KCNAB2: variants seen among roughly 807,000 people sequenced by gnomAD.
KCNAB2 encodes the protein voltage-gated potassium channel subunit beta-2.
In KCNAB2, 29 loss-of-function variants were observed where a neutral mutation model predicts 63.6. The ratio of observed to expected loss-of-function variants is 0.46; its 90% CI spans 0.34 to 0.62. KCNAB2 has a LOEUF of 0.62. Ranked by LOEUF, KCNAB2 falls within the 20% of genes least tolerant of loss-of-function variation. The pLI, the probability that KCNAB2 is intolerant of heterozygous loss-of-function variation, is 0.01. For missense variants in KCNAB2, 359 were observed against 563.9 expected, an observed-to-expected ratio of 0.64 and a Z score of 3.68; for synonymous variants, 222 against 224.2, an observed-to-expected ratio of 0.99 and a Z score of 0.09.
At position 6,073,588 on chromosome 1, in the gene KCNAB2, C is replaced by A; in HGVS notation, c.263-145C>A. 1 of 742,254 alleles carries A rather than the reference C, an allele frequency of 1.3e-6. No homozygotes were observed. The highest frequency in any genetic ancestry group is 2.4e-6 in the Non-Finnish European group (1 of 414,490). The allele number at this position is 742,254 out of a possible 1,614,324, so 46.0% of individuals were successfully genotyped here. A position where few individuals can be genotyped will look rare whatever the true frequency, so the allele number is the denominator to read the frequency against. Reference sequence around the variant, plus strand: ...TTTCTCTGAAGGCCAGCTGTCCACACACACTAAGGACACCCTGGCCACAGA... The same window carrying A: ...TTTCTCTGAAGGCCAGCTGTCCACAAACACTAAGGACACCCTGGCCACAGA... On this transcript the variant is annotated intron_variant, in intron 3 of 15. Coordinates refer to ENST00000378083, the MANE Select transcript of KCNAB2 (RefSeq NM_001199862.2). The surrounding 1 kb of genome is among the most constrained non-coding windows in gnomAD (Gnocchi z 5.7).
At chr1:6,050,370 G>C (rs962132138) in intron 1 of KCNAB2, among the ~76,000 whole-genome samples, 1 of 152,216 alleles carries the variant, frequency 6.6e-6, no homozygotes, top group African/African-American at 2.4e-5. Flanking sequence ...GGTGGGGTGA[G>C]GGTCACTGGA....
intron 5 of KCNAB2, 44 bp downstream of exon 5, chr1:6,082,318 G>A (rs773193776): frequency 2.0e-6 from 3 of 1,469,044 alleles, no homozygotes; most frequent in Non-Finnish European, 2.9e-6. Context: ...AGAATGCCTG[G>A]GCAGAGCCGG....
upstream of KCNAB2, among the ~76,000 whole-genome samples, chr1:6,042,502 C>T (rs746426558): frequency 1.3e-5 from 2 of 152,168 alleles, no homozygotes; most frequent in East Asian, 3.8e-4. Flanking sequence ...TGGGGAGACC[C>T]GTTCCTCTCT....
At chr1:6,072,001 G>A (rs1663248595) in intron 2 of KCNAB2, among the ~76,000 whole-genome samples, 2 of 152,162 alleles carry the variant, frequency 1.3e-5, no homozygotes, top group African/African-American at 4.8e-5. Context: ...AGGACATACG[G>A]GCATGCCGGT....
chr1:6,002,737 G>A (rs560251), intron 1 of KCNAB2, among the ~76,000 whole-genome samples: 47,315 of 152,082 alleles, frequency 0.31, 9,028 homozygotes, highest in African/African-American at 0.54. Flanking sequence ...GAAGGGCTAC[G>A]GCCCTGCCAG....
At chr1:6,070,688 A>G (rs1663112272) in intron 2 of KCNAB2, among the ~76,000 whole-genome samples, 1 of 152,116 alleles carries the variant, frequency 6.6e-6, no homozygotes, top group Admixed American at 6.5e-5. Flanking sequence ...TTCTATCCTC[A>G]TGGATCTTCT....
At chr1:6,080,472 G>A (rs1363785486) in intron 4 of KCNAB2, among the ~76,000 whole-genome samples, 2 of 152,178 alleles carry the variant, frequency 1.3e-5, no homozygotes, top group African/African-American at 2.4e-5. Flanking sequence ...AGCTGCAGCA[G>A]GAAGACAACA....
chr1:6,080,600 C>A (rs998717831), intron 4 of KCNAB2, among the ~76,000 whole-genome samples: 25 of 152,278 alleles, frequency 1.6e-4, no homozygotes, highest in African/African-American at 5.8e-4. Context: ...ATTTCAGTGT[C>A]TGAGATGTTT....
chr1:6,032,630 AAAGG>A (rs924979115), upstream of KCNAB2, among the ~76,000 whole-genome samples: 3 of 151,984 alleles, frequency 2.0e-5, no homozygotes, highest in African/African-American at 7.2e-5. Context: ...GAAAGAAAGA[AAAGG>A]AAGGAAAGAA....
chr1:6,064,313 T>C (rs1316802662), intron 2 of KCNAB2, among the ~76,000 whole-genome samples: 1 of 152,236 alleles, frequency 6.6e-6, no homozygotes, highest in Non-Finnish European at 1.5e-5. Flanking sequence ...TGAACAGCCC[T>C]GTCCTAGACG....
chr1:6,003,863 T>A lies in KCNAB2; in HGVS notation c.-53+11075T>A, dbSNP rs114654205. 0.021 allele frequency among the ~76,000 whole-genome samples: 3,176 copies of A among 152,350 alleles called. 115 individuals are homozygous for A. The highest frequency in any genetic ancestry group is 0.073 in the African/African-American group (3,020 of 41,562). On this transcript the variant is annotated intron_variant, in intron 1 of 16. Transcript: ENST00000341524. This position sits in a 1 kb window ranked among gnomAD's most constrained non-coding sequence, Gnocchi z 4.1. ...GGCCCCAGCTTGCAGCGGTCGCTTC[T>A]GCATCTCTTTTTATTCAGCGGGGCC...
At chr1:6,030,541 ATG>A (rs1204754609), upstream of KCNAB2, among the ~76,000 whole-genome samples, 8 of 150,688 alleles carry the variant, frequency 5.3e-5, no homozygotes, top group Non-Finnish European at 8.9e-5. Context: ...GTGTGTACAT[ATG>A]TGTGTATGTG....
chr1:6,045,728 G>T (rs900709487), upstream of KCNAB2, among the ~76,000 whole-genome samples: 1 of 152,152 alleles, frequency 6.6e-6, no homozygotes. This position sits in a 1 kb window ranked among gnomAD's most constrained non-coding sequence, Gnocchi z 4.8. Context: ...TCTGTGTCCC[G>T]CACTCAGATA....
At chr1:6,077,848 G>A (rs762331170) in intron 4 of KCNAB2, among the ~76,000 whole-genome samples, 3 of 152,228 alleles carry the variant, frequency 2.0e-5, no homozygotes, top group Admixed American at 6.5e-5. Context: ...AAAGAGGCAG[G>A]CAAGACACCG....
chr1:5,993,329 C>T (rs1454447042), intron 1 of KCNAB2, among the ~76,000 whole-genome samples: 2 of 151,588 alleles, frequency 1.3e-5, no homozygotes. Context: ...GCCCCTCCGA[C>T]CTCTCCCCGC....
intron 1 of KCNAB2, chr1:6,018,813 C>T (rs1053437342): frequency 6.6e-6 from 1 of 152,198 alleles, no homozygotes; most frequent in Admixed American, 6.5e-5. Context: ...GAGACAGAAA[C>T]GTCTGCTGTT....
intron 1 of KCNAB2, among the ~76,000 whole-genome samples, chr1:6,001,799 G>C (rs1019712774): frequency 6.6e-6 from 1 of 152,146 alleles, no homozygotes; most frequent in Non-Finnish European, 1.5e-5. Context: ...TGGAGCCAGC[G>C]GCCTCAGAAA....
chr1:6,044,101 T>C (rs1482670288), upstream of KCNAB2, among the ~76,000 whole-genome samples: 1 of 152,164 alleles, frequency 6.6e-6, no homozygotes, highest in African/African-American at 2.4e-5. Flanking sequence ...CGCTGTCACC[T>C]CTGCTCACGT....
rs1659322541 is a variant in KCNAB2, at chr1:6,028,036, C to G, written c.-52-12481C>G. Among the ~76,000 whole-genome samples the G allele has an allele frequency of 6.6e-6, 1 of 152,266 alleles. No individual in the cohort carries two copies. Among genetic ancestry groups the G allele is most frequent in the Non-Finnish European group, 1.5e-5 (1 of 68,044 alleles). Reference sequence around the variant, plus strand: ...TGACCTCCCAACCCCTGCCCACCCTCTGGGGTGTCCTTCTGACAAATGGGC... The same window carrying G: ...TGACCTCCCAACCCCTGCCCACCCTGTGGGGTGTCCTTCTGACAAATGGGC... On this transcript the variant is annotated intron_variant, in intron 1 of 16. Coordinates refer to the KCNAB2 transcript ENST00000341524. The surrounding 1 kb of genome is among the most constrained non-coding windows in gnomAD (Gnocchi z 4.0).
Sources: allele counts gnomAD v4.1 joint callset (sites outside exome capture counted in the v4.1 genomes callset), GRCh38; gene constraint gnomAD v4.1.1; non-coding constraint Gnocchi (gnomAD v3.1); transcripts MANE v1.5; gene names NCBI Gene and HGNC (gene_info 2026-07-23, HGNC 2026-07-21).